FBXL13: variants seen among roughly 807,000 people sequenced by gnomAD.
The protein encoded by FBXL13 is F-box and leucine-rich repeat protein 13.
FBXL13 carries 67 observed loss-of-function variants against 83.6 expected under a neutral mutation model. The ratio of observed to expected loss-of-function variants is 0.80; its 90% CI spans 0.66 to 0.98. The LOEUF is 0.98. Ranked by LOEUF, FBXL13 falls within the 50% of genes least tolerant of loss-of-function variation. The pLI is 0.00. For synonymous variants in FBXL13, 272 were observed against 299.5 expected (o/e 0.91, Z 0.95); for missense variants, 822 against 866.5 (o/e 0.95, Z 0.64).
At chr7:102,815,112 T>C (rs1350297716) in intron 19 of FBXL13, among the ~76,000 whole-genome samples, 1 of 152,082 alleles carries the variant, frequency 6.6e-6, no homozygotes, top group Non-Finnish European at 1.5e-5. Flanking sequence ...CAAGGCTCCA[T>C]CATTACCCTT....
At chr7:102,836,626 G>A (rs1584528200) in intron 17 of FBXL13, among the ~76,000 whole-genome samples, 1 of 152,178 alleles carries the variant, frequency 6.6e-6, no homozygotes, top group Non-Finnish European at 1.5e-5. Flanking sequence ...CCATGTATCA[G>A]CCAATTTTGC....
chr7:103,047,999 T>A (rs1796446587), intron 2 of FBXL13, among the ~76,000 whole-genome samples: 1 of 152,196 alleles, frequency 6.6e-6, no homozygotes, highest in Non-Finnish European at 1.5e-5. Flanking sequence ...CCTGGCCCCA[T>A]ACAATTTTAG....
At chr7:102,968,460 T>C (rs911195333) in intron 6 of FBXL13, among the ~76,000 whole-genome samples, 13 of 152,194 alleles carry the variant, frequency 8.5e-5, no homozygotes, top group African/African-American at 2.9e-4. Context: ...TTTCCATAAA[T>C]AGTCATTGGT....
chr7:102,907,845 A>G (rs531746842), intron 11 of FBXL13, among the ~76,000 whole-genome samples: 1 of 152,344 alleles, frequency 6.6e-6, no homozygotes, highest in South Asian at 2.1e-4. Context: ...AGAGAAATAC[A>G]AATCAAAACC....
At chr7:103,024,855 ATAT>A (rs1266162993) in intron 6 of FBXL13, among the ~76,000 whole-genome samples, 8 of 86,380 alleles carry the variant, frequency 9.3e-5, no homozygotes, top group South Asian at 9.1e-4. Flanking sequence ...ATATATATAT[ATAT>A]TTTTTTTTTT....
At chr7:102,950,857 G>A (rs1027202005) in intron 8 of FBXL13, among the ~76,000 whole-genome samples, 3 of 152,124 alleles carry the variant, frequency 2.0e-5, no homozygotes, top group African/African-American at 7.2e-5. Flanking sequence ...AGCAGGGTGA[G>A]GGGGGATGAC....
At chr7:102,947,993 T>C (rs1391018387) in intron 8 of FBXL13, among the ~76,000 whole-genome samples, 1 of 152,116 alleles carries the variant, frequency 6.6e-6, no homozygotes, top group Non-Finnish European at 1.5e-5. Flanking sequence ...GATCAATTCA[T>C]GTCTGTTTCT....
At chr7:102,830,616 C>T (rs143929719) in intron 18 of FBXL13, among the ~76,000 whole-genome samples, 47 of 152,302 alleles carry the variant, frequency 3.1e-4, no homozygotes, top group Non-Finnish European at 5.1e-4. Context: ...CGGTTTACCA[C>T]ATCTTTTTCC....
At position 102,973,307 on chromosome 7, in the gene FBXL13, G is replaced by A. The variant is rs573954023; in HGVS notation, c.496-5190C>T. 1.0e-4 allele frequency: 55 copies of A among 535,330 alleles called. No homozygotes were observed. In the East Asian group the frequency reaches 1.9e-3, roughly 19 times the overall value. The allele number at this position is 535,330 out of a possible 1,614,324, so 33.2% of individuals were successfully genotyped here. ...GCACAAGGCCACTTGTACCAGCAGCGTGAGTCAGCAAGATAGCAGAAGCAG... is the reference window on the plus strand; with the variant it reads ...GCACAAGGCCACTTGTACCAGCAGCATGAGTCAGCAAGATAGCAGAAGCAG... On this transcript the variant is annotated intron_variant, in intron 6 of 19. Transcript: ENST00000313221.
At chr7:103,018,652 A>G (rs1792698759) in intron 6 of FBXL13, among the ~76,000 whole-genome samples, 1 of 137,650 alleles carries the variant, frequency 7.3e-6, no homozygotes, top group African/African-American at 2.5e-5. Context: ...ATGGAAAACA[A>G]AAAAACAAGC....
intron 17 of FBXL13, among the ~76,000 whole-genome samples, chr7:102,852,929 GAACT>G (rs1805483749): frequency 6.6e-6 from 1 of 152,132 alleles, no homozygotes; most frequent in African/African-American, 2.4e-5. Flanking sequence ...CAAAATCGGG[GAACT>G]AACCCAAATG....
At chr7:103,074,781 C>G (rs1799502530), upstream of FBXL13, 12 of 1,289,070 alleles carry the variant, frequency 9.3e-6, no homozygotes, top group Non-Finnish European at 1.2e-5. Flanking sequence ...GGCCCAAGGC[C>G]TGACGGAGAA....
At chr7:102,923,356 T>C (rs986726205) in intron 10 of FBXL13, among the ~76,000 whole-genome samples, 1 of 152,158 alleles carries the variant, frequency 6.6e-6, no homozygotes, top group Non-Finnish European at 1.5e-5. Flanking sequence ...ACTTCCATAT[T>C]GGCCAATTCC....
At chr7:102,961,927 C>G (rs1825280730) in intron 8 of FBXL13, among the ~76,000 whole-genome samples, 2 of 148,530 alleles carry the variant, frequency 1.3e-5, no homozygotes, top group African/African-American at 5.0e-5. Context: ...TAGGCATGGG[C>G]AAGGACTTCA....
chr7:103,039,049 A>T (rs1795380605), intron 2 of FBXL13, among the ~76,000 whole-genome samples: 2 of 152,220 alleles, frequency 1.3e-5, no homozygotes, highest in African/African-American at 4.8e-5. Context: ...GTTCTAACCC[A>T]TCCCAAGGAA....
At chr7:103,009,617 G>A (rs1165264730) in intron 6 of FBXL13, among the ~76,000 whole-genome samples, 2 of 152,198 alleles carry the variant, frequency 1.3e-5, no homozygotes, top group African/African-American at 2.4e-5. Context: ...ACAAGGCTTG[G>A]GCCCTGGAGC....
In FBXL13 at chr7:103,024,860, T is replaced by A. The variant is rs1194010464; in HGVS notation, c.495+203A>T. On this transcript the variant is annotated intron_variant, in intron 6 of 19. Transcript: ENST00000313221. ...ATATATATATATATATATATATATT[T>A]TTTTTTTTTTTTTTTTTGAGATGGA... Among the ~76,000 whole-genome samples the A allele has an allele frequency of 4.2e-3, 502 of 119,750 alleles. 1 individual carries two copies. Among genetic ancestry groups the A allele is most frequent in the East Asian group, 0.01 (42 of 4,118 alleles). The allele number at this position is 119,750 out of a possible 152,430, so 78.6% of individuals were successfully genotyped here. A position where few individuals can be genotyped will look rare whatever the true frequency, so the allele number is the denominator to read the frequency against.
intron 8 of FBXL13, chr7:102,944,779 T>C (rs1822163286): frequency 3.4e-6 from 2 of 589,482 alleles, no homozygotes; most frequent in East Asian, 6.1e-5. Flanking sequence ...AAGAGAATGC[T>C]ATCATCCTGC....
chr7:102,973,397 C>A, intron 6 of FBXL13: 1 of 692,726 alleles, frequency 1.4e-6, no homozygotes, highest in Admixed American at 2.0e-5. Flanking sequence ...GATCGAGAAA[C>A]AGGCCATCTG....
Sources: allele counts gnomAD v4.1 joint callset (sites outside exome capture counted in the v4.1 genomes callset), GRCh38; gene constraint gnomAD v4.1.1; transcripts MANE v1.5; gene names NCBI Gene and HGNC (gene_info 2026-07-23, HGNC 2026-07-21).